EHD1: variants seen among roughly 807,000 people sequenced by gnomAD.
EHD1 encodes the protein EH domain-containing protein 1.
A neutral mutation model predicts 39.0 loss-of-function variants in EHD1; 19 were observed. That is an observed-to-expected ratio of 0.49 (90% confidence interval 0.34 to 0.72). The LOEUF (loss-of-function observed/expected upper bound fraction) is 0.72, where lower values mean the gene tolerates loss of function less well. Among genes scored for constraint, EHD1 ranks in the 30% least tolerant of loss-of-function variants. The pLI is 0.01. For missense variants in EHD1, 542 were observed against 751.5 expected (o/e 0.72, Z 3.26); for synonymous variants, 323 against 331.2 (o/e 0.98, Z 0.27).
At position 64,853,736 on chromosome 11, in the gene EHD1, C is replaced by G. The variant is rs551624203; in HGVS notation, c.*597G>C. ...GGGCCCTGCTTCTGTGACTGCTGAG[C>G]GGGGTTGCGCGTCGGAGCCGGTGGG... On this transcript the variant is annotated 3_prime_UTR_variant, in exon 5 of 5. Transcript: ENST00000320631. The G allele has an allele frequency of 6.4e-6, 1 of 156,604 alleles. No homozygotes were observed. The highest frequency in any genetic ancestry group is 6.1e-5 in the Admixed American group (1 of 16,362). The allele number at this position is 156,604 out of a possible 1,614,324, so 9.7% of individuals were successfully genotyped here.
At chr11:64,879,296 T>G, upstream of EHD1, 3 of 884,872 alleles carry the variant, frequency 3.4e-6, no homozygotes, top group Non-Finnish European at 1.5e-6. Context: ...GGGGTGGGAA[T>G]GGGAGAGGGA....
upstream of EHD1, chr11:64,879,562 CACCACCATTT>C (rs1565727649): frequency 6.5e-7 from 1 of 1,549,336 alleles, no homozygotes; most frequent in Non-Finnish European, 8.7e-7. Flanking sequence ...CTCTCGGGGT[CACCACCATTT>C]ACCATCATTT....
chr11:64,853,239 G>T lies in EHD1; in HGVS notation c.*1094C>A. 1 of 152,498 alleles carries T rather than the reference G, an allele frequency of 6.6e-6. No homozygotes were observed. 9.4% of individuals were successfully genotyped at this position (152,498 alleles called of 1,614,324 possible). ...GAGGAAGGAAGGTAGGAAATGAAGG[G>T]GGATTACAGAAGGGGCTGGGTTTTC... On this transcript the variant is annotated 3_prime_UTR_variant, in exon 5 of 5. Transcript: ENST00000320631.
chr11:64,864,325 C>T (rs1427534826), intron 2 of EHD1, among the ~76,000 whole-genome samples: 1 of 152,260 alleles, frequency 6.6e-6, no homozygotes, highest in Non-Finnish European at 1.5e-5. Flanking sequence ...GGAAGGGCAT[C>T]GTGCCAGGGC....
At chr11:64,855,892 ACCCTC>A (rs1943646953) in intron 3 of EHD1, 1 of 165,786 alleles carries the variant, frequency 6.0e-6, no homozygotes, top group Non-Finnish European at 1.2e-5. Flanking sequence ...CCTCCGCTCA[ACCCTC>A]ACCACGCATC....
At chr11:64,877,765 A>C (rs1943900623) in intron 1 of EHD1, 3 of 343,472 alleles carry the variant, frequency 8.7e-6, no homozygotes, top group Non-Finnish European at 1.6e-5. Flanking sequence ...TCAGCTTCCT[A>C]CTGCGGCCCT....
In EHD1 at chr11:64,851,779, T is replaced by C. The variant is rs1943584450; in HGVS notation, c.*2554A>G. Reference sequence around the variant, plus strand: ...ATTAGTAACCTGATGGAAAGCACGCTGGAGTTGGACGGCCTGGTTTGCATC... The same window carrying C: ...ATTAGTAACCTGATGGAAAGCACGCCGGAGTTGGACGGCCTGGTTTGCATC... On this transcript the variant is annotated 3_prime_UTR_variant, in exon 5 of 5. Coordinates refer to ENST00000320631, the MANE Select transcript of EHD1 (RefSeq NM_006795.4). The C allele has an allele frequency of 6.6e-6, 1 of 152,266 alleles. No individual in the cohort carries two copies. Among genetic ancestry groups the C allele is most frequent in the Admixed American group, 6.5e-5 (1 of 15,280 alleles). The allele number at this position is 152,266 out of a possible 1,614,324, so 9.4% of individuals were successfully genotyped here.
chr11:64,869,426 A>T (rs1389919037), intron 2 of EHD1, among the ~76,000 whole-genome samples: 1 of 152,236 alleles, frequency 6.6e-6, no homozygotes, highest in Non-Finnish European at 1.5e-5. Flanking sequence ...CGGCTGAGTC[A>T]GCACTTCCCC....
chr11:64,878,004 C>G, intron 1 of EHD1, 57 bp downstream of exon 1: 1 of 1,461,246 alleles, frequency 6.8e-7, no homozygotes, highest in South Asian at 1.4e-5. Context: ...GGTCAGGCTC[C>G]GAGTGAGGGG....
intron 2 of EHD1, among the ~76,000 whole-genome samples, chr11:64,863,275 C>T (rs184044421): frequency 1.3e-5 from 2 of 152,352 alleles, no homozygotes; most frequent in Admixed American, 1.3e-4. Context: ...AAAAACACCA[C>T]CCTCTTGCCA....
chr11:64,854,938 T>G, intron 4 of EHD1, 81 bp from the exon 5 acceptor site: 1 of 1,530,220 alleles, frequency 6.5e-7, no homozygotes. Flanking sequence ...AGTCAGGGCT[T>G]CACAAGCATA....
At chr11:64,865,263 G>A (rs2050669185) in intron 2 of EHD1, among the ~76,000 whole-genome samples, 3 of 152,230 alleles carry the variant, frequency 2.0e-5, no homozygotes, top group Admixed American at 2.0e-4. Context: ...GGCCCTCGCT[G>A]CCCTCAAAGG....
chr11:64,878,600 G>C lies in EHD1; in HGVS notation c.-136C>G, dbSNP rs116971067. 2,566 of 1,425,158 alleles carry C rather than the reference G, an allele frequency of 1.8e-3. 89 individuals are homozygous for C. The East Asian group carries it at 0.051, about 28-fold the overall frequency. 88.3% of individuals were successfully genotyped at this position (1,425,158 alleles called of 1,614,324 possible). A position where few individuals can be genotyped will look rare whatever the true frequency, so the allele number is the denominator to read the frequency against. Reference sequence around the variant, plus strand: ...ACTGCGCAGGCGCACAGCCCAGCCCGTCGAAGCGCCCTCTGCCGAATGCTG... The same window carrying C: ...ACTGCGCAGGCGCACAGCCCAGCCCCTCGAAGCGCCCTCTGCCGAATGCTG... On this transcript the variant is annotated 5_prime_UTR_variant, in exon 1 of 5. Coordinates refer to ENST00000320631, the MANE Select transcript of EHD1 (RefSeq NM_006795.4).
At chr11:64,864,612 T>C (rs1943748982) in intron 2 of EHD1, among the ~76,000 whole-genome samples, 3 of 152,190 alleles carry the variant, frequency 2.0e-5, no homozygotes, top group Non-Finnish European at 2.9e-5. Flanking sequence ...CGCAGGTCAG[T>C]ACTGAAAAGG....
chr11:64,862,178 G>A (rs4930280), intron 2 of EHD1, among the ~76,000 whole-genome samples: 135,117 of 152,224 alleles, frequency 0.89, 60,504 homozygotes, highest in Non-Finnish European at 0.93. Context: ...AAGTGCTGGG[G>A]TGACAGGCCT....
At chr11:64,874,336 G>GGCA in intron 2 of EHD1, 85 bp downstream of exon 2, 2 of 1,115,746 alleles carry the variant, frequency 1.8e-6, no homozygotes, top group Non-Finnish European at 2.6e-6. Context: ...AAATCTCAAG[G>GGCA]GCAGCATCTG....
intron 3 of EHD1, among the ~76,000 whole-genome samples, chr11:64,857,341 T>C (rs1309912699): frequency 2.0e-5 from 3 of 152,124 alleles, no homozygotes; most frequent in Non-Finnish European, 2.9e-5. Context: ...GGAGAATGGC[T>C]TGAGCCTGGG....
Position 64,868,152 on chromosome 11 carries a change from T to C in EHD1, c.502+6269A>G, listed in dbSNP as rs996293094. Among the ~76,000 whole-genome samples, 2 of 152,212 alleles carry C rather than the reference T, an allele frequency of 1.3e-5. No individual in the cohort carries two copies. Among genetic ancestry groups the C allele is most frequent in the Non-Finnish European group, 2.9e-5 (2 of 68,024 alleles). ...ATACATTCCAAAGATTTCTAGAACA[T>C]GAAACATAGAGGGTTTGTCTCCAAT... On this transcript the variant is annotated intron_variant, in intron 2 of 4. Transcript: ENST00000320631. The surrounding 1 kb of genome is among the most constrained non-coding windows in gnomAD (Gnocchi z 4.2).
At chr11:64,865,327 T>C (rs1462599103) in intron 2 of EHD1, among the ~76,000 whole-genome samples, 1 of 152,242 alleles carries the variant, frequency 6.6e-6, no homozygotes, top group Non-Finnish European at 1.5e-5. Flanking sequence ...AAGGCTACAC[T>C]GCACAGCGGT....
Sources: allele counts gnomAD v4.1 joint callset (sites outside exome capture counted in the v4.1 genomes callset), GRCh38; gene constraint gnomAD v4.1.1; non-coding constraint Gnocchi (gnomAD v3.1); transcripts MANE v1.5; gene names NCBI Gene and HGNC (gene_info 2026-07-23, HGNC 2026-07-21).